Variants in HDAC2 observed in about 807,000 individuals in gnomAD.
HDAC2 encodes histone deacetylase 2.
In HDAC2, 5 loss-of-function variants were observed where a neutral mutation model predicts 68.5. That is an observed-to-expected ratio of 0.07 (90% CI 0.04 to 0.15). The LOEUF (loss-of-function observed/expected upper bound fraction) is 0.15, where lower values mean the gene tolerates loss of function less well. Among genes scored for constraint, HDAC2 ranks in the 10% least tolerant of loss-of-function variants. The probability of loss-of-function intolerance (pLI) is 1.00; values close to 1 mark genes in which losing one functional copy is unlikely to be tolerated. For missense variants in HDAC2, 291 were observed against 600.8 expected, an observed-to-expected ratio of 0.48 and a Z score of 5.39; for synonymous variants, 182 against 191.3, an observed-to-expected ratio of 0.95 and a Z score of 0.40.
chr6:113,959,214 G>A (rs574092650), intron 2 of HDAC2, among the ~76,000 whole-genome samples: 45 of 151,988 alleles, frequency 3.0e-4, no homozygotes, highest in Admixed American at 1.5e-3. Context: ...TCAATTTCAC[G>A]TATGACACAA....
chr6:113,934,489 G>A lies in HDAC2; in HGVS notation c.*6569C>T, dbSNP rs1775959534. On this transcript the variant is annotated 3_prime_UTR_variant, in exon 14 of 14. Coordinates refer to ENST00000519065, the MANE Select transcript of HDAC2 (RefSeq NM_001527.4). Reference sequence around the variant, plus strand: ...CTTGTTGCTGCTCTAGATGATGATGGTGTTTTGAGGTCAGGTCGGAAGTAC... The same window carrying A: ...CTTGTTGCTGCTCTAGATGATGATGATGTTTTGAGGTCAGGTCGGAAGTAC... The A allele has an allele frequency of 6.6e-6, 1 of 152,224 alleles. No homozygotes were observed. Among genetic ancestry groups the A allele is most frequent in the Non-Finnish European group, 1.5e-5 (1 of 68,054 alleles). The allele number at this position is 152,224 out of a possible 1,614,324, so 9.4% of individuals were successfully genotyped here.
chr6:113,935,493 TGAC>T lies in HDAC2; in HGVS notation c.*5562_*5564del, dbSNP rs1479376438. 1 of 152,136 alleles carries T rather than the reference TGAC, an allele frequency of 6.6e-6. No individual in the cohort carries two copies. Among genetic ancestry groups the T allele is most frequent in the Non-Finnish European group, 1.5e-5 (1 of 68,018 alleles). The allele number at this position is 152,136 out of a possible 1,614,324, so 9.4% of individuals were successfully genotyped here. A position where few individuals can be genotyped will look rare whatever the true frequency, so the allele number is the denominator to read the frequency against. ...TTTATTTCTGAAGAAACAAAAAAGA[TGAC>T]TAGTAGAGGATACAAGAGAAGCTGG... On this transcript the variant is annotated 3_prime_UTR_variant, in exon 14 of 14. Coordinates refer to ENST00000519065, the MANE Select transcript of HDAC2 (RefSeq NM_001527.4).
chr6:113,967,064 G>GA (rs1776840445), intron 1 of HDAC2, among the ~76,000 whole-genome samples: 1 of 152,194 alleles, frequency 6.6e-6, no homozygotes, highest in African/African-American at 2.4e-5. Flanking sequence ...ACAAGTCTAA[G>GA]AAAATCTGAC....
At chr6:113,965,247 T>C (rs1043271826) in intron 1 of HDAC2, among the ~76,000 whole-genome samples, 2 of 152,254 alleles carry the variant, frequency 1.3e-5, no homozygotes, top group African/African-American at 4.8e-5. Flanking sequence ...AATAACTATC[T>C]GGCTTTGCTA....
intron 6 of HDAC2, among the ~76,000 whole-genome samples, chr6:113,950,211 T>C (rs754507228): frequency 1.3e-5 from 2 of 152,094 alleles, no homozygotes; most frequent in African/African-American, 4.8e-5. Flanking sequence ...TTAAATGATA[T>C]ATACATATAT....
intron 10 of HDAC2, 149 bp downstream of exon 10, chr6:113,945,211 AAG>A: frequency 1.2e-5 from 5 of 413,402 alleles, no homozygotes; most frequent in Non-Finnish European, 1.3e-5. Flanking sequence ...AAAAAAAAAA[AAG>A]AATAATCAGT....
At position 113,939,087 on chromosome 6, in the gene HDAC2, C is replaced by A. The variant is rs757722949; in HGVS notation, c.*1971G>T. The A allele has an allele frequency of 6.6e-5, 10 of 152,104 alleles. No homozygotes were observed. Among genetic ancestry groups the A allele is most frequent in the Non-Finnish European group, 1.3e-4 (9 of 68,042 alleles). 9.4% of individuals were successfully genotyped at this position (152,104 alleles called of 1,614,324 possible). ...ATGAAAAAAAGCAAAGGGCCTTTGT[C>A]TCCTGGCACCCGGATACTGAGCTCA... On this transcript the variant is annotated 3_prime_UTR_variant, in exon 14 of 14. Coordinates refer to ENST00000519065, the MANE Select transcript of HDAC2 (RefSeq NM_001527.4).
rs1295746209 is a variant in HDAC2, at chr6:113,955,995, CAA to C, written c.497+16_497+17del. On this transcript the variant is annotated intron_variant, in intron 5 of 13. Transcript: ENST00000519065. ...AACACTTTATCACTGAAAAGAGTAT[CAA>C]TATAAATTAACATACTTTAGTAATT... 6.4e-7 allele frequency: 1 copy of C among 1,554,232 alleles called. No homozygotes were observed. The highest frequency in any genetic ancestry group is 1.4e-5 in the African/African-American group (1 of 72,612).
At chr6:113,968,605 A>T (rs1776885398) in intron 1 of HDAC2, 1 of 152,264 alleles carries the variant, frequency 6.6e-6, no homozygotes. Flanking sequence ...TTAACAAACG[A>T]GTCACAGACA....
chr6:113,938,242 T>C lies in HDAC2; in HGVS notation c.*2816A>G, dbSNP rs1287807242. The C allele has an allele frequency of 1.3e-5, 2 of 152,254 alleles. No individual in the cohort carries two copies. Among genetic ancestry groups the C allele is most frequent in the Non-Finnish European group, 2.9e-5 (2 of 68,040 alleles). 9.4% of individuals were successfully genotyped at this position (152,254 alleles called of 1,614,324 possible). A position where few individuals can be genotyped will look rare whatever the true frequency, so the allele number is the denominator to read the frequency against. The stretch of plus-strand genomic sequence containing the variant: ...TTATTTACTGAGGTTAAAGATCTTT[T>C]CATATTTACAAACTATTTATATGTA... On this transcript the variant is annotated 3_prime_UTR_variant, in exon 14 of 14. Transcript: ENST00000519065.
chr6:113,938,208 T>C lies in HDAC2; in HGVS notation c.*2850A>G, dbSNP rs1425414846. On this transcript the variant is annotated 3_prime_UTR_variant, in exon 14 of 14. Transcript: ENST00000519065. ...AACTAAGTTAAAAAATAAGTCTCTC[T>C]ATAGCTTTTTATTTACTGAGGTTAA... 1.3e-5 allele frequency: 2 copies of C among 152,198 alleles called. No individual in the cohort carries two copies. Among genetic ancestry groups the C allele is most frequent in the Admixed American group, 6.5e-5 (1 of 15,282 alleles). 9.4% of individuals were successfully genotyped at this position (152,198 alleles called of 1,614,324 possible).
chr6:113,957,836 T>C (rs960006177), intron 3 of HDAC2, among the ~76,000 whole-genome samples: 10 of 151,946 alleles, frequency 6.6e-5, no homozygotes, highest in African/African-American at 2.4e-4. Flanking sequence ...TTTAAATCAA[T>C]CCTGTTATGT....
chr6:113,943,515 A>C lies in HDAC2; in HGVS notation c.1223-9T>G. On this transcript the variant is annotated splice_polypyrimidine_tract_variant and intron_variant, in intron 11 of 13. Coordinates refer to ENST00000519065, the MANE Select transcript of HDAC2 (RefSeq NM_001527.4). The stretch of plus-strand genomic sequence containing the variant: ...CTTGTCTGATGCTCGAACTGCACAG[A>C]ATATTTTAATAAATTTTGACAAAAA... 6.3e-7 allele frequency: 1 copy of C among 1,575,150 alleles called. No homozygotes were observed. Among genetic ancestry groups the C allele is most frequent in the South Asian group, 1.2e-5 (1 of 85,216 alleles).
In HDAC2 at chr6:113,945,245, T is replaced by TA. The variant is rs374944472; in HGVS notation, c.1091+116dup. 1.5e-3 allele frequency: 701 copies of TA among 474,650 alleles called. 4 individuals are homozygous for TA. Among genetic ancestry groups the TA allele is most frequent in the African/African-American group, 0.012 (573 of 48,958 alleles). 29.4% of individuals were successfully genotyped at this position (474,650 alleles called of 1,614,324 possible). ...CAGTAACTTAATGTTTCAAATCCTTTAGAAAAAAACAAAATATCTAATAAA... is the reference window on the plus strand; with the variant it reads ...CAGTAACTTAATGTTTCAAATCCTTTAAGAAAAAAACAAAATATCTAATAAA... On this transcript the variant is annotated intron_variant, in intron 10 of 13. Transcript: ENST00000519065.
At chr6:113,947,263 C>T (rs1776285887) in intron 8 of HDAC2, 1 of 151,850 alleles carries the variant, frequency 6.6e-6, no homozygotes, top group African/African-American at 2.4e-5. Flanking sequence ...AAAAATGACT[C>T]GAAAGGGATT....
chr6:113,955,912 CT>C, intron 5 of HDAC2, 100 bp downstream of exon 5: 2 of 796,126 alleles, frequency 2.5e-6, no homozygotes, highest in Non-Finnish European at 3.7e-6. Flanking sequence ...CTATTTCAAC[CT>C]ATGGTTTACC....
chr6:113,937,569 G>C lies in HDAC2; in HGVS notation c.*3489C>G, dbSNP rs956370388. ...ACACTTGACAATAGTTGCTTTCTAA[G>C]TCTGTAACATGATAGGTTTAGGCCG... On this transcript the variant is annotated 3_prime_UTR_variant, in exon 14 of 14. Transcript: ENST00000519065. 3 of 152,250 alleles carry C rather than the reference G, an allele frequency of 2.0e-5. No individual in the cohort carries two copies. The highest frequency in any genetic ancestry group is 7.2e-5 in the African/African-American group (3 of 41,466). 9.4% of individuals were successfully genotyped at this position (152,250 alleles called of 1,614,324 possible).
In HDAC2 at chr6:113,934,993, A is replaced by G. The variant is rs1775972825; in HGVS notation, c.*6065T>C. 6.6e-6 allele frequency: 1 copy of G among 152,192 alleles called. No individual in the cohort carries two copies. Among genetic ancestry groups the G allele is most frequent in the Non-Finnish European group, 1.5e-5 (1 of 68,028 alleles). The allele number at this position is 152,192 out of a possible 1,614,324, so 9.4% of individuals were successfully genotyped here. A position where few individuals can be genotyped will look rare whatever the true frequency, so the allele number is the denominator to read the frequency against. Reference sequence around the variant, plus strand: ...TATCAGATGCTGAGTTGAAAAGAACATACCTAGATTCTACGGAAATTAGAA... The same window carrying G: ...TATCAGATGCTGAGTTGAAAAGAACGTACCTAGATTCTACGGAAATTAGAA... On this transcript the variant is annotated 3_prime_UTR_variant, in exon 14 of 14. Coordinates refer to ENST00000519065, the MANE Select transcript of HDAC2 (RefSeq NM_001527.4).
intron 1 of HDAC2, among the ~76,000 whole-genome samples, chr6:113,964,665 T>C (rs1158155113): frequency 6.6e-6 from 1 of 152,234 alleles, no homozygotes; most frequent in African/African-American, 2.4e-5. Context: ...ATACTTCACC[T>C]GATATAAGCT....
Sources: allele counts gnomAD v4.1 joint callset (sites outside exome capture counted in the v4.1 genomes callset), GRCh38; gene constraint gnomAD v4.1.1; transcripts MANE v1.5; gene names NCBI Gene and HGNC (gene_info 2026-07-23, HGNC 2026-07-21).